PLK4: variants seen among roughly 807,000 people sequenced by gnomAD.
PLK4 encodes serine/threonine-protein kinase PLK4.
PLK4 carries 51 observed loss-of-function variants against 103.0 expected under a neutral mutation model. The observed-to-expected ratio is 0.50, with a 90% CI of 0.40 to 0.63. The LOEUF is 0.63. PLK4 is among the 20% of genes least tolerant of loss of function. The pLI, the probability that PLK4 is intolerant of heterozygous loss-of-function variation, is 0.00. For missense variants in PLK4, 1,054 were observed against 1,151.0 expected, an observed-to-expected ratio of 0.92 and a Z score of 1.22; for synonymous variants, 389 against 376.8, an observed-to-expected ratio of 1.03 and a Z score of -0.38.
chr4:127,898,060 A>G (rs28519677), intron 15 of PLK4, among the ~76,000 whole-genome samples: 241 of 151,578 alleles, frequency 1.6e-3, no homozygotes, highest in African/African-American at 5.6e-3. Context: ...CTGGTCTCAA[A>G]CACCTGACCT....
chr4:127,897,018 C>G, intron 15 of PLK4, 111 bp downstream of exon 15: 1 of 608,180 alleles, frequency 1.6e-6, no homozygotes, highest in Non-Finnish European at 3.0e-6. Flanking sequence ...TGACAATGAT[C>G]GTGTGATTCT....
intron 13 of PLK4, 90 bp from the exon 14 acceptor site, chr4:127,894,863 A>G: frequency 1.2e-6 from 1 of 803,468 alleles, no homozygotes; most frequent in Non-Finnish European, 1.8e-6. Flanking sequence ...AAATTAAGCT[A>G]ATGAAAAATC....
chr4:127,882,859 G>T (rs988687379), intron 2 of PLK4, among the ~76,000 whole-genome samples: 1 of 152,102 alleles, frequency 6.6e-6, no homozygotes, highest in Admixed American at 6.5e-5. Context: ...GGTTGAGGCT[G>T]CAGTGAACTG....
intron 14 of PLK4, among the ~76,000 whole-genome samples, chr4:127,895,565 G>A (rs138646637): frequency 0.059 from 8,828 of 148,528 alleles, 365 homozygotes; most frequent in Middle Eastern, 0.14. Flanking sequence ...GGGACTACAG[G>A]CGCCCACTGC....
intron 7 of PLK4, 49 bp from the exon 8 acceptor site, chr4:127,891,043 C>A: frequency 9.9e-7 from 1 of 1,006,770 alleles, no homozygotes; most frequent in Middle Eastern, 2.2e-4. Context: ...CAGAGCTGTT[C>A]TAGTAAACAA....
At chr4:127,887,672 T>G (rs1008826520) in intron 6 of PLK4, among the ~76,000 whole-genome samples, 176 bp downstream of exon 6, 10 of 149,668 alleles carry the variant, frequency 6.7e-5, no homozygotes, top group African/African-American at 2.5e-4. Context: ...AGGGCAGGAG[T>G]TCAAGACCAG....
rs1001274320 is a variant in PLK4, at chr4:127,887,344, T to C, written c.1359-52T>C. On this transcript the variant is annotated intron_variant, in intron 5 of 15. Coordinates refer to ENST00000270861, the MANE Select transcript of PLK4 (RefSeq NM_014264.5). The stretch of plus-strand genomic sequence containing the variant: ...TCTCTAATATTTTTACCTTAAAAAG[T>C]TACCTGATAATTTTTTATTAGTTTA... 13 of 949,216 alleles carry C rather than the reference T, an allele frequency of 1.4e-5. No homozygotes were observed. The African/African-American group carries it at 2.2e-4, about 16-fold the overall frequency. 58.8% of individuals were successfully genotyped at this position (949,216 alleles called of 1,614,324 possible).
In PLK4 at chr4:127,889,668, G is replaced by A. The variant is rs150472862; in HGVS notation, c.1460-198G>A. ...AGGAATACTAAAGGTATTTCTTCAC[G>A]ATCTGGTTTAAAATGTTCTTTCAAA... On this transcript the variant is annotated intron_variant, in intron 6 of 15. Coordinates refer to ENST00000270861, the MANE Select transcript of PLK4 (RefSeq NM_014264.5). Among the ~76,000 whole-genome samples, 6 of 152,210 alleles carry A rather than the reference G, an allele frequency of 3.9e-5. No homozygotes were observed. In the East Asian group the frequency reaches 5.8e-4, roughly 15 times the overall value.
chr4:127,891,687 T>A lies in PLK4; in HGVS notation c.2038+6T>A. On this transcript the variant is annotated splice_donor_region_variant and intron_variant, in intron 9 of 15. Coordinates refer to ENST00000270861, the MANE Select transcript of PLK4 (RefSeq NM_014264.5). The stretch of plus-strand genomic sequence containing the variant: ...CAGCTTTGACAATTTACCAGGTATG[T>A]GAATTTACCAGGGAATAAATTTTGA... The A allele has an allele frequency of 8.1e-7, 1 of 1,235,714 alleles. No individual in the cohort carries two copies. Among genetic ancestry groups the A allele is most frequent in the Non-Finnish European group, 1.1e-6 (1 of 895,350 alleles). 76.5% of individuals were successfully genotyped at this position (1,235,714 alleles called of 1,614,324 possible).
intron 7 of PLK4, 41 bp downstream of exon 7, chr4:127,890,277 C>T (rs1372331985): frequency 1.4e-6 from 2 of 1,478,716 alleles, no homozygotes; most frequent in African/African-American, 2.8e-5. Context: ...TAACATTTTA[C>T]TTGAGAATAC....
chr4:127,893,672 A>T (rs1238867561), intron 12 of PLK4, 62 bp from the exon 13 acceptor site: 4 of 1,586,420 alleles, frequency 2.5e-6, no homozygotes, highest in Non-Finnish European at 3.4e-6. Context: ...TATTATAAAC[A>T]TTCTTTAGTT....
intron 4 of PLK4, 143 bp downstream of exon 4, chr4:127,883,696 C>G (rs961399504): frequency 1.5e-5 from 7 of 482,060 alleles, no homozygotes; most frequent in Admixed American, 7.4e-5. Flanking sequence ...AGGAGATTTC[C>G]TACATCCCAA....
At chr4:127,897,824 C>CTTTTGT (rs1735626971) in intron 15 of PLK4, among the ~76,000 whole-genome samples, 1 of 28,802 alleles carries the variant, frequency 3.5e-5, no homozygotes, top group Non-Finnish European at 6.4e-5. Flanking sequence ...AGAATTAGGG[C>CTTTTGT]TTTTTTTTTT....
chr4:127,897,823 G>GTTTTT (rs1560703278), intron 15 of PLK4, among the ~76,000 whole-genome samples: 4 of 37,124 alleles, frequency 1.1e-4, no homozygotes, highest in Non-Finnish European at 1.8e-4. Flanking sequence ...TAGAATTAGG[G>GTTTTT]CTTTTTTTTT....
rs70966059 is a variant in PLK4 at position 127,895,452 on chromosome 4, C to CTTTTTTTTTTTTTTTT, written c.2703+372_2703+387dup. Among the ~76,000 whole-genome samples the CTTTTTTTTTTTTTTTT allele has an allele frequency of 8.7e-4, 57 of 65,194 alleles. 6 individuals carry two copies. Among genetic ancestry groups the CTTTTTTTTTTTTTTTT allele is most frequent in the East Asian group, 2.1e-3 (4 of 1,886 alleles). The allele number at this position is 65,194 out of a possible 152,430, so 42.8% of individuals were successfully genotyped here. A position where few individuals can be genotyped will look rare whatever the true frequency, so the allele number is the denominator to read the frequency against. ...TAATCAATATTAGTAGAGTAACTTTCTTTTTTTTTTTTTTTTTTTTTTTTT... is the reference window on the plus strand; with the variant it reads ...TAATCAATATTAGTAGAGTAACTTTCTTTTTTTTTTTTTTTTTTTTTTTTTTTTTTTTTTTTTTTTT... On this transcript the variant is annotated intron_variant, in intron 14 of 15. Coordinates refer to ENST00000270861, the MANE Select transcript of PLK4 (RefSeq NM_014264.5).
rs1026308181 is a variant in PLK4, at chr4:127,887,396, C to T, written c.1359C>T (p.Leu453=). 6 of 1,588,454 alleles carry T rather than the reference C, an allele frequency of 3.8e-6. No homozygotes were observed. The highest frequency in any genetic ancestry group is 3.4e-5 in the South Asian group (3 of 89,550). ...SFERPDNNQA[L]SNHLCPGKTP... The stretch of plus-strand genomic sequence containing the variant: ...GGGATTTTTTTGTTTGTTTGTTTAG[C>T]TCCAATCATCTTTGTCCAGGAAAAA... Residue 453 remains leucine (L), a splice_region_variant and synonymous_variant, in exon 6 of 16, where the codon CTC becomes CTT. Transcript: ENST00000270861.
Position 127,891,626 on chromosome 4 carries a change from T to C in PLK4, c.1983T>C (p.Asp661=), listed in dbSNP as rs749407826. 8 of 1,560,638 alleles carry C rather than the reference T, an allele frequency of 5.1e-6. No individual in the cohort carries two copies. Among genetic ancestry groups the C allele is most frequent in the Non-Finnish European group, 7.0e-6 (8 of 1,148,428 alleles). Residue 661 remains aspartate, a synonymous_variant, in exon 9 of 16, where the codon GAT becomes GAC. Transcript: ENST00000270861. Reference sequence around the variant, plus strand: ...GTGGTAGAGGTTTTCCTCTTGCTGATAGACCACCCTCACCTACTGACAACA... The same window carrying C: ...GTGGTAGAGGTTTTCCTCTTGCTGACAGACCACCCTCACCTACTGACAACA... ...PNGGRGFPLA[D]RPPSPTDNIS...
In PLK4 at chr4:127,890,153, C is replaced by G; in HGVS notation, c.1747C>G (p.Gln583Glu). The G allele has an allele frequency of 6.2e-6, 10 of 1,613,836 alleles. No homozygotes were observed. The highest frequency in any genetic ancestry group is 8.5e-6 in the Non-Finnish European group (10 of 1,179,746). Residue 583 changes from glutamine (Q) to glutamate (E), a missense_variant, in exon 7 of 16, where the codon CAG becomes GAG. By Grantham distance (29) the Gln-to-Glu change is conservative. This residue lies in a region of PLK4 where 680 missense variants were observed against 660.3 expected (regional missense o/e 1.03). Coordinates refer to ENST00000270861, the MANE Select transcript of PLK4 (RefSeq NM_014264.5). ...TRGMEPPWGYQNRTLRSITSP... is the reference protein window; with the variant it reads ...TRGMEPPWGYENRTLRSITSP... ...GGGTATGGAGCCACCATGGGGTTAT[C>G]AGAATCGTACATTAAGAAGCATTAC...
rs200018907 is a variant in PLK4 at position 127,893,261 on chromosome 4, A to C, written c.2189-24A>C. ...ATATTTTTAAAAAGGATAAGAGAACAGTTTTCTGATTTTTTTTTTTTAGGG... is the reference window on the plus strand; with the variant it reads ...ATATTTTTAAAAAGGATAAGAGAACCGTTTTCTGATTTTTTTTTTTTAGGG... On this transcript the variant is annotated intron_variant, in intron 10 of 15. Coordinates refer to ENST00000270861, the MANE Select transcript of PLK4 (RefSeq NM_014264.5). 6.4e-6 allele frequency: 9 copies of C among 1,416,798 alleles called. No homozygotes were observed. In the African/African-American group the frequency reaches 1.3e-4, roughly 20 times the overall value. The allele number at this position is 1,416,798 out of a possible 1,614,324, so 87.8% of individuals were successfully genotyped here.
Sources: gnomAD v4.1 joint callset for allele counts (sites outside exome capture counted in the v4.1 genomes callset) on GRCh38, gnomAD v4.1.1 for gene constraint, gnomAD v4.1.1 regional missense constraint, MANE v1.5 for transcripts, NCBI Gene and HGNC (gene_info 2026-07-23, HGNC 2026-07-21) for gene names.